Variants in LRRFIP1 observed in about 807,000 individuals in gnomAD.
The protein encoded by LRRFIP1 is LRR binding FLII interacting protein 1, also known as leucine-rich repeat flightless-interacting protein 1.
In LRRFIP1, 62 loss-of-function variants were observed where a neutral mutation model predicts 104.4. The ratio of observed to expected loss-of-function variants is 0.59; its 90% CI spans 0.48 to 0.73. LRRFIP1 has a LOEUF of 0.73. Ranked by LOEUF, LRRFIP1 falls within the 30% of genes least tolerant of loss-of-function variation. The probability of loss-of-function intolerance (pLI) is 0.00; values close to 1 mark genes in which losing one functional copy is unlikely to be tolerated. For synonymous variants in LRRFIP1, 300 were observed against 299.0 expected, an observed-to-expected ratio of 1.00 and a Z score of -0.03; for missense variants, 796 against 824.5, an observed-to-expected ratio of 0.97 and a Z score of 0.42.
intron 1 of LRRFIP1, among the ~76,000 whole-genome samples, chr2:237,667,674 C>T (rs1449347879): frequency 1.4e-4 from 21 of 152,224 alleles, no homozygotes; most frequent in Admixed American, 1.4e-3. Context: ...CTCCCACCAA[C>T]AGTGTCAAAG....
At position 237,756,076 on chromosome 2, in the gene LRRFIP1, C is replaced by T. The variant is rs763210356; in HGVS notation, c.1039-19C>T. ...AACATGGGATTCCACTGCTTTAGTGCTGTTTTTCTCCTTTACAGGAATTTG... is the reference window on the plus strand; with the variant it reads ...AACATGGGATTCCACTGCTTTAGTGTTGTTTTTCTCCTTTACAGGAATTTG... On this transcript the variant is annotated intron_variant, in intron 15 of 23. Coordinates refer to ENST00000308482, the MANE Select transcript of LRRFIP1 (RefSeq NM_001137550.2). 1.9e-6 allele frequency: 3 copies of T among 1,569,776 alleles called. No homozygotes were observed. Among genetic ancestry groups the T allele is most frequent in the Admixed American group, 1.7e-5 (1 of 59,446 alleles).
rs910807468 is a variant in LRRFIP1, at chr2:237,661,600, C to T, written c.96+33860C>T. On this transcript the variant is annotated intron_variant, in intron 1 of 23. Transcript: ENST00000308482. The surrounding 1 kb of genome is among the most constrained non-coding windows in gnomAD (Gnocchi z 4.4). ...CTCTGTCCTCATCCATGAAACCATCCTTGTCCTCACTGTCGATGGAATTTT... is the reference window on the plus strand; with the variant it reads ...CTCTGTCCTCATCCATGAAACCATCTTTGTCCTCACTGTCGATGGAATTTT... 6.6e-6 allele frequency among the ~76,000 whole-genome samples: 1 copy of T among 152,210 alleles called. No individual in the cohort carries two copies.
intron 11 of LRRFIP1, among the ~76,000 whole-genome samples, chr2:237,740,374 A>G (rs1341203317): frequency 2.0e-5 from 3 of 152,094 alleles, no homozygotes; most frequent in Non-Finnish European, 2.9e-5. Context: ...TATGAGTGCC[A>G]CTGCATTTCA....
intron 7 of LRRFIP1, 43 bp downstream of exon 7, chr2:237,723,629 TG>T (rs1390494291): frequency 1.2e-6 from 2 of 1,609,382 alleles, no homozygotes; most frequent in Admixed American, 1.7e-5. Context: ...CTTAACTGTG[TG>T]GTGTGACCAT....
chr2:237,779,796 G>A lies in LRRFIP1; in HGVS notation c.*264G>A, dbSNP rs1029820671. 10 of 306,182 alleles carry A rather than the reference G, an allele frequency of 3.3e-5. No homozygotes were observed. Among genetic ancestry groups the A allele is most frequent in the Admixed American group, 8.9e-5 (2 of 22,584 alleles). 19.0% of individuals were successfully genotyped at this position (306,182 alleles called of 1,614,324 possible). On this transcript the variant is annotated 3_prime_UTR_variant, in exon 24 of 24. Transcript: ENST00000308482. ...TACTTCATAAGCACACAGGGGCCTC[G>A]AGGGAGCTCTGTGTCTGACCGCACA...
chr2:237,741,844 GA>G (rs976032842), intron 11 of LRRFIP1, among the ~76,000 whole-genome samples: 2 of 151,294 alleles, frequency 1.3e-5, no homozygotes, highest in African/African-American at 2.4e-5. Flanking sequence ...AAAGAAAAAA[GA>G]AAAAAAAGAA....
At chr2:237,694,010 C>T (rs1210465017) in intron 1 of LRRFIP1, among the ~76,000 whole-genome samples, 1 of 152,196 alleles carries the variant, frequency 6.6e-6, no homozygotes, top group Non-Finnish European at 1.5e-5. Context: ...CTGTCCCTCA[C>T]CCCCAGTTCC....
chr2:237,663,504 T>A (rs1329963506), intron 1 of LRRFIP1, among the ~76,000 whole-genome samples: 1 of 152,162 alleles, frequency 6.6e-6, no homozygotes, highest in Non-Finnish European at 1.5e-5. Context: ...AAGGGGGCCC[T>A]CCCCAGACAC....
At chr2:237,743,326 TAGTAACC>T (rs1047073163) in intron 11 of LRRFIP1, among the ~76,000 whole-genome samples, 1 of 152,038 alleles carries the variant, frequency 6.6e-6, no homozygotes, top group African/African-American at 2.4e-5. Flanking sequence ...TAAAGGGCAG[TAGTAACC>T]AGAATGAAGG....
chr2:237,714,937 A>G (rs530444338), intron 3 of LRRFIP1, among the ~76,000 whole-genome samples: 2 of 152,268 alleles, frequency 1.3e-5, no homozygotes, highest in South Asian at 4.1e-4. Flanking sequence ...TAGAATTTGT[A>G]TACACGGGAG....
Position 237,733,785 on chromosome 2 carries a change from G to A in LRRFIP1, c.456G>A (p.Leu152=). The change falls in exon 9 of 24, where the codon CTG becomes CTA. Residue 152 remains leucine, a synonymous_variant. Transcript: ENST00000308482. ...LNRRSGRPSC[L]YSAARPSGSY... ...CTTTCATCCTCCAGCCCTCCTGTCTGTACAGCGCTGCCCGGCCTTCGGGGA... is the reference window on the plus strand; with the variant it reads ...CTTTCATCCTCCAGCCCTCCTGTCTATACAGCGCTGCCCGGCCTTCGGGGA... 1.9e-6 allele frequency: 3 copies of A among 1,613,970 alleles called. No homozygotes were observed. The South Asian group carries it at 3.3e-5, about 18-fold the overall frequency.
intron 11 of LRRFIP1, among the ~76,000 whole-genome samples, chr2:237,745,285 G>A (rs953676514): frequency 1.3e-5 from 2 of 152,074 alleles, no homozygotes; most frequent in African/African-American, 2.4e-5. Flanking sequence ...TTTTTCATTC[G>A]GAAGACACAC....
At chr2:237,668,699 T>C (rs1279930330) in intron 1 of LRRFIP1, among the ~76,000 whole-genome samples, 1 of 152,202 alleles carries the variant, frequency 6.6e-6, no homozygotes, top group Non-Finnish European at 1.5e-5. Flanking sequence ...CTGCTTATTA[T>C]CCTCACAGCA....
chr2:237,648,899 A>G (rs1347276504), intron 1 of LRRFIP1, among the ~76,000 whole-genome samples: 2 of 151,884 alleles, frequency 1.3e-5, no homozygotes, highest in East Asian at 3.9e-4. Flanking sequence ...AAAGCCTCCC[A>G]TCTTTTCAGG....
intron 11 of LRRFIP1, among the ~76,000 whole-genome samples, chr2:237,742,572 T>C (rs533144720): frequency 3.3e-5 from 5 of 152,346 alleles, no homozygotes; most frequent in Non-Finnish European, 7.3e-5. Context: ...CTAAGCTAGC[T>C]CATTTCCATA....
chr2:237,656,387 T>C (rs765844656), intron 1 of LRRFIP1, among the ~76,000 whole-genome samples: 2 of 152,224 alleles, frequency 1.3e-5, no homozygotes, highest in Admixed American at 1.3e-4. Flanking sequence ...CCAAATCATA[T>C]GTATGCATTT....
intron 10 of LRRFIP1, among the ~76,000 whole-genome samples, chr2:237,738,188 C>G (rs2095310453): frequency 6.6e-6 from 1 of 151,984 alleles, no homozygotes; most frequent in African/African-American, 2.4e-5. Flanking sequence ...TGGATGAGAT[C>G]TGGAGCACCC....
chr2:237,692,459 A>G, intron 1 of LRRFIP1: 1 of 1,527,820 alleles, frequency 6.5e-7, no homozygotes, highest in Non-Finnish European at 8.8e-7. Context: ...CGGCAGGATG[A>G]CCAGCCCCGC....
chr2:237,742,473 C>T (rs868438050), intron 11 of LRRFIP1, among the ~76,000 whole-genome samples: 5 of 152,162 alleles, frequency 3.3e-5, no homozygotes, highest in Non-Finnish European at 7.3e-5. Flanking sequence ...GGATGTGTTA[C>T]GGTATCCCTT....
Sources: gnomAD v4.1 joint callset for allele counts (sites outside exome capture counted in the v4.1 genomes callset) on GRCh38, gnomAD v4.1.1 for gene constraint, Gnocchi (gnomAD v3.1) non-coding constraint, MANE v1.5 for transcripts, NCBI Gene and HGNC (gene_info 2026-07-23, HGNC 2026-07-21) for gene names.